The following SLC8A1 variants were observed in gnomAD, a reference collection of about 807,000 sequenced individuals.
SLC8A1 encodes sodium/calcium exchanger 1.
In SLC8A1, 18 loss-of-function variants were observed where a neutral mutation model predicts 68.3. The ratio of observed to expected loss-of-function variants is 0.26; its 90% confidence interval spans 0.18 to 0.39. SLC8A1 has a LOEUF of 0.39. SLC8A1 is among the 10% of genes least tolerant of loss of function. The pLI is 1.00. For synonymous variants in SLC8A1, 475 were observed against 415.5 expected, an observed-to-expected ratio of 1.14 and a Z score of -1.74; for missense variants, 985 against 1,156.7, an observed-to-expected ratio of 0.85 and a Z score of 2.15.
chr2:40,338,657 A>G (rs529838205), intron 2 of SLC8A1, among the ~76,000 whole-genome samples: 1 of 152,324 alleles, frequency 6.6e-6, no homozygotes, highest in African/African-American at 2.4e-5. Flanking sequence ...TTTTTCATCC[A>G]TAAGTGACAA....
intron 1 of SLC8A1, among the ~76,000 whole-genome samples, chr2:40,447,640 T>G (rs527423917): frequency 6.6e-6 from 1 of 152,038 alleles, no homozygotes; most frequent in East Asian, 1.9e-4. Flanking sequence ...TTGTGAGAAT[T>G]AATGGTAGCT....
intron 7 of SLC8A1, among the ~76,000 whole-genome samples, chr2:40,119,026 A>C (rs2125092907): frequency 6.6e-6 from 1 of 152,268 alleles, no homozygotes. Context: ...TGGGGACTCA[A>C]AGCACCCAAA....
At chr2:40,186,831 T>A (rs1393392922) in intron 2 of SLC8A1, among the ~76,000 whole-genome samples, 1 of 152,242 alleles carries the variant, frequency 6.6e-6, no homozygotes, top group African/African-American at 2.4e-5. Context: ...GATTATGATG[T>A]TCACAGTGTT....
intron 1 of SLC8A1, among the ~76,000 whole-genome samples, chr2:40,488,401 G>T (rs545758550): frequency 6.6e-6 from 1 of 152,042 alleles, no homozygotes; most frequent in Admixed American, 6.6e-5. Context: ...TTTCACAGAT[G>T]TGCAGGCAGA....
chr2:40,409,520 G>C (rs545532310), intron 2 of SLC8A1, among the ~76,000 whole-genome samples: 3 of 152,164 alleles, frequency 2.0e-5, no homozygotes, highest in South Asian at 4.2e-4. Context: ...CACCACATCA[G>C]AGCTTCCATT....
At chr2:40,375,547 C>G (rs573382262) in intron 2 of SLC8A1, among the ~76,000 whole-genome samples, 106 of 152,204 alleles carry the variant, frequency 7.0e-4, no homozygotes, top group African/African-American at 2.5e-3. Flanking sequence ...ATTAAACTTT[C>G]ATGTATATGA....
intron 6 of SLC8A1, among the ~76,000 whole-genome samples, chr2:40,143,147 C>T (rs994621000): frequency 6.6e-6 from 1 of 152,162 alleles, no homozygotes; most frequent in African/African-American, 2.4e-5. Flanking sequence ...AAATTTTAAT[C>T]TCCAACTCAG....
At chr2:40,355,538 A>G (rs911350621) in intron 2 of SLC8A1, among the ~76,000 whole-genome samples, 1 of 152,120 alleles carries the variant, frequency 6.6e-6, no homozygotes, top group African/African-American at 2.4e-5. Context: ...GTTTTCTATT[A>G]TAAAATATAA....
At chr2:40,170,325 T>C (rs993953371) in intron 4 of SLC8A1, 10 of 1,614,016 alleles carry the variant, frequency 6.2e-6, no homozygotes, top group Non-Finnish European at 7.6e-6. Context: ...TTCTCTAGCA[T>C]GAACCTTCCT....
intron 1 of SLC8A1, among the ~76,000 whole-genome samples, chr2:40,486,039 T>C (rs55944949): frequency 0.15 from 23,145 of 152,216 alleles, 1,890 homozygotes; most frequent in Middle Eastern, 0.23. Context: ...TGGGAGTTAA[T>C]TGAAACATGG....
chr2:40,124,313 A>G (rs888073), intron 7 of SLC8A1, among the ~76,000 whole-genome samples: 25,049 of 152,156 alleles, frequency 0.16, 2,124 homozygotes, highest in Admixed American at 0.21. Context: ...CCTTTCCCCA[A>G]TGGATATCTA....
In SLC8A1 at chr2:40,397,776, A is replaced by G. The variant is rs1336965588; in HGVS notation, c.1808+30697T>C. 2.0e-5 allele frequency among the ~76,000 whole-genome samples: 3 copies of G among 152,328 alleles called. No homozygotes were observed. The East Asian group carries it at 5.8e-4, about 29-fold the overall frequency. On this transcript the variant is annotated intron_variant, in intron 2 of 7. Coordinates refer to ENST00000406785, the Ensembl canonical transcript of SLC8A1. Reference sequence around the variant, plus strand: ...AGAAACAGAGATCCAGGTCAAAGAAAAATATTATCTTTCTTCCCTGGGAAT... The same window carrying G: ...AGAAACAGAGATCCAGGTCAAAGAAGAATATTATCTTTCTTCCCTGGGAAT...
At chr2:40,111,992 T>A (rs949062534) in exon 8 of SLC8A1, 2 of 152,094 alleles carry the variant, frequency 1.3e-5, no homozygotes, top group African/African-American at 4.8e-5. Flanking sequence ...CCAACATATA[T>A]CTCAGCACTG....
At chr2:40,271,378 C>T (rs971723345) in intron 2 of SLC8A1, among the ~76,000 whole-genome samples, 1 of 152,080 alleles carries the variant, frequency 6.6e-6, no homozygotes, top group East Asian at 1.9e-4. Flanking sequence ...AGGGTTGACC[C>T]CGGATCTTTG....
intron 2 of SLC8A1, among the ~76,000 whole-genome samples, chr2:40,252,902 TATGTATATGTGTATATATACATAC>T (rs2063055445): frequency 2.5e-5 from 1 of 39,542 alleles, no homozygotes; most frequent in South Asian, 7.6e-4. Context: ...ATTTTATATG[TATGTATATGTGTATATATACATAC>T]ATGTATATGT....
At chr2:40,332,998 T>C (rs912933174) in intron 2 of SLC8A1, among the ~76,000 whole-genome samples, 1 of 152,244 alleles carries the variant, frequency 6.6e-6, no homozygotes. Context: ...AATAAAAATG[T>C]AGCTTTCTCT....
At chr2:40,155,931 G>GAAGA in intron 6 of SLC8A1, among the ~76,000 whole-genome samples, 1 of 152,274 alleles carries the variant, frequency 6.6e-6, no homozygotes, top group African/African-American at 2.4e-5. Flanking sequence ...TTGTACTGTA[G>GAAGA]AAGATTCCAC....
At chr2:40,502,753 A>T (rs1296481167) in intron 1 of SLC8A1, among the ~76,000 whole-genome samples, 2 of 152,048 alleles carry the variant, frequency 1.3e-5, no homozygotes, top group Non-Finnish European at 1.5e-5. Flanking sequence ...GTCAGGAAAT[A>T]GCAGTCCATA....
At chr2:40,253,154 CAT>C (rs961450904) in intron 2 of SLC8A1, among the ~76,000 whole-genome samples, 16 of 118,552 alleles carry the variant, frequency 1.3e-4, no homozygotes, top group Admixed American at 8.0e-4. Flanking sequence ...TATATACATA[CAT>C]ATATATGTAT....
Sources: allele counts gnomAD v4.1 joint callset (sites outside exome capture counted in the v4.1 genomes callset), GRCh38; gene constraint gnomAD v4.1.1; transcripts MANE v1.5; gene names NCBI Gene and HGNC (gene_info 2026-07-23, HGNC 2026-07-21).